Variants in IMMP2L observed in about 807,000 individuals in gnomAD.
IMMP2L encodes mitochondrial inner membrane protease subunit 2.
A neutral mutation model predicts 19.3 loss-of-function variants in IMMP2L; 18 were observed. That is an observed-to-expected ratio of 0.93 (90% CI 0.64 to 1.38). The LOEUF (loss-of-function observed/expected upper bound fraction) is 1.38. Ranked by LOEUF, IMMP2L falls within the 40% of genes most tolerant of loss-of-function variation. IMMP2L has a pLI of 0.00. For synonymous variants in IMMP2L, 76 were observed against 73.0 expected, an observed-to-expected ratio of 1.04 and a Z score of -0.21; for missense variants, 233 against 218.2, an observed-to-expected ratio of 1.07 and a Z score of -0.43.
At chr7:110,917,391 G>A (rs897620259) in intron 4 of IMMP2L, among the ~76,000 whole-genome samples, 1 of 152,068 alleles carries the variant, frequency 6.6e-6, no homozygotes, top group African/African-American at 2.4e-5. Context: ...TCATTCAAAG[G>A]TTAAAAATGA....
chr7:111,201,911 C>G (rs1339566251), intron 3 of IMMP2L, among the ~76,000 whole-genome samples: 1 of 152,160 alleles, frequency 6.6e-6, no homozygotes, highest in African/African-American at 2.4e-5. Context: ...ACTGAATATA[C>G]TGGCATCTTG....
chr7:110,899,594 A>G (rs1480563321), intron 4 of IMMP2L, among the ~76,000 whole-genome samples: 1 of 152,198 alleles, frequency 6.6e-6, no homozygotes, highest in African/African-American at 2.4e-5. Flanking sequence ...AACCTATATT[A>G]CAAACCCATA....
chr7:110,997,346 T>A (rs1056224829), intron 3 of IMMP2L, among the ~76,000 whole-genome samples: 2 of 152,102 alleles, frequency 1.3e-5, no homozygotes, highest in African/African-American at 4.8e-5. Context: ...CACATAAAGA[T>A]GCTGTAGACA....
At chr7:111,075,523 T>C (rs759064567) in intron 3 of IMMP2L, among the ~76,000 whole-genome samples, 1 of 152,200 alleles carries the variant, frequency 6.6e-6, no homozygotes, top group African/African-American at 2.4e-5. Context: ...TTCATAATAC[T>C]CGAAATTGCA....
chr7:111,497,356 T>C (rs1471196701), intron 2 of IMMP2L, among the ~76,000 whole-genome samples: 2 of 152,146 alleles, frequency 1.3e-5, no homozygotes, highest in Admixed American at 1.3e-4. Flanking sequence ...TTATTTACAA[T>C]AGTGAATAGC....
chr7:111,324,711 AAAAT>A (rs1457588109), intron 3 of IMMP2L, among the ~76,000 whole-genome samples: 1 of 151,936 alleles, frequency 6.6e-6, no homozygotes, highest in African/African-American at 2.4e-5. Flanking sequence ...TTATAGCTAA[AAAAT>A]AAATATTCAA....
intron 3 of IMMP2L, among the ~76,000 whole-genome samples, chr7:111,338,250 A>T (rs1266691466): frequency 6.6e-6 from 1 of 152,082 alleles, no homozygotes; most frequent in Non-Finnish European, 1.5e-5. Flanking sequence ...TGTAGAAGTT[A>T]TGTGTGATTA....
intron 3 of IMMP2L, among the ~76,000 whole-genome samples, chr7:111,196,288 T>C (rs1159237422): frequency 6.6e-6 from 1 of 152,184 alleles, no homozygotes; most frequent in Non-Finnish European, 1.5e-5. Flanking sequence ...TGCTTTACGG[T>C]GCTAGCCTTT....
intron 3 of IMMP2L, among the ~76,000 whole-genome samples, chr7:110,988,043 T>C (rs991619894): frequency 2.0e-5 from 3 of 152,200 alleles, no homozygotes; most frequent in Admixed American, 1.3e-4. Context: ...AAGCTGACTA[T>C]GGAGAACAAA....
intron 2 of IMMP2L, among the ~76,000 whole-genome samples, chr7:111,491,828 AG>A (rs1329338833): frequency 6.6e-6 from 1 of 152,056 alleles, no homozygotes; most frequent in Non-Finnish European, 1.5e-5. Context: ...GGTGACCTGG[AG>A]GGAGACCATC....
chr7:111,110,371 T>C (rs886622858), intron 3 of IMMP2L, among the ~76,000 whole-genome samples: 9 of 152,310 alleles, frequency 5.9e-5, no homozygotes, highest in Middle Eastern at 3.4e-3. Context: ...ATTATGCTTC[T>C]CATATATTTA....
At chr7:110,702,389 A>C (rs913890847) in intron 5 of IMMP2L, among the ~76,000 whole-genome samples, 1 of 152,220 alleles carries the variant, frequency 6.6e-6, no homozygotes, top group Non-Finnish European at 1.5e-5. Flanking sequence ...ACTTATGAAC[A>C]AAAAGAAAAA....
In IMMP2L at chr7:110,918,702, C is replaced by T. The variant is rs1418401052; in HGVS notation, c.306-32007G>A. Among the ~76,000 whole-genome samples the T allele has an allele frequency of 5.3e-5, 8 of 152,076 alleles. No homozygotes were observed. The East Asian group carries it at 1.6e-3, about 30-fold the overall frequency. On this transcript the variant is annotated intron_variant, in intron 4 of 5. Transcript: ENST00000405709. ...AACTCCTGACCTCATGATCTGCCCA[C>T]CTCGCCCTCTCAAAGTGCTGAGATT...
At chr7:110,946,672 T>C (rs1012132528) in intron 4 of IMMP2L, among the ~76,000 whole-genome samples, 1 of 151,428 alleles carries the variant, frequency 6.6e-6, no homozygotes, top group Non-Finnish European at 1.5e-5. Flanking sequence ...GATCTAAATA[T>C]GACACGACAT....
At chr7:111,503,129 T>A (rs1030947044) in intron 2 of IMMP2L, among the ~76,000 whole-genome samples, 5 of 151,908 alleles carry the variant, frequency 3.3e-5, no homozygotes, top group African/African-American at 1.2e-4. Flanking sequence ...TAAAAAATGA[T>A]AAAGGGGATA....
chr7:111,409,083 T>C (rs1246186026), intron 3 of IMMP2L, among the ~76,000 whole-genome samples: 4 of 151,792 alleles, frequency 2.6e-5, no homozygotes, highest in South Asian at 2.1e-4. Context: ...TATTTAGAAA[T>C]ATTTTGCATT....
chr7:111,236,061 G>T (rs536182845), intron 3 of IMMP2L, among the ~76,000 whole-genome samples: 4 of 151,742 alleles, frequency 2.6e-5, no homozygotes, highest in African/African-American at 4.8e-5. Context: ...TGTGCTTAAT[G>T]TCTTCAATCT....
chr7:111,155,957 T>A (rs1366233220), intron 3 of IMMP2L, among the ~76,000 whole-genome samples: 6 of 152,136 alleles, frequency 3.9e-5, no homozygotes, highest in Non-Finnish European at 8.8e-5. Context: ...GATGAAAATA[T>A]ATAATACATA....
At chr7:110,907,759 T>G in intron 4 of IMMP2L, among the ~76,000 whole-genome samples, 1 of 152,334 alleles carries the variant, frequency 6.6e-6, no homozygotes, top group Non-Finnish European at 1.5e-5. Flanking sequence ...TATATTCATT[T>G]TTTGCTGTTA....
Sources: gnomAD v4.1 joint callset for allele counts (sites outside exome capture counted in the v4.1 genomes callset) on GRCh38, gnomAD v4.1.1 for gene constraint, MANE v1.5 for transcripts, NCBI Gene and HGNC (gene_info 2026-07-23, HGNC 2026-07-21) for gene names.